Variants in AGBL1 observed in about 807,000 individuals in gnomAD.
AGBL1 encodes cytosolic carboxypeptidase 4.
Under a neutral mutation model 118.9 loss-of-function variants are expected in AGBL1, and 130 were observed. The observed-to-expected ratio is 1.09, with a 90% CI of 0.95 to 1.26. AGBL1 has a LOEUF of 1.26. Among genes scored for constraint, AGBL1 ranks in the 50% most tolerant of loss-of-function variants. The pLI is 0.00. For missense variants in AGBL1, 1,584 were observed against 1,298.1 expected (o/e 1.22, Z -3.38); for synonymous variants, 555 against 478.9 (o/e 1.16, Z -2.08).
chr15:86,757,179 A>G (rs567127871), intron 22 of AGBL1, among the ~76,000 whole-genome samples: 8 of 152,238 alleles, frequency 5.3e-5, no homozygotes, highest in Admixed American at 5.2e-4. Context: ...TTCTGAAGAT[A>G]CATAGAAAAA....
intron 4 of AGBL1, among the ~76,000 whole-genome samples, chr15:86,155,730 CT>C (rs1322606037): frequency 6.6e-6 from 1 of 151,946 alleles, no homozygotes; most frequent in Non-Finnish European, 1.5e-5. Context: ...CTGAGTTTGA[CT>C]GTGGTTCTTT....
At position 86,270,026 on chromosome 15, in the gene AGBL1, A is replaced by G. The variant is rs756772084; in HGVS notation, c.1946A>G (p.Asn649Ser). 6.2e-7 allele frequency: 1 copy of G among 1,613,104 alleles called. No individual in the cohort carries two copies. The highest frequency in any genetic ancestry group is 1.3e-5 in the African/African-American group (1 of 74,914). The change falls in exon 14 of 23, where the codon AAC becomes AGC. Residue 649 changes from asparagine to serine, a missense_variant. Transcript: ENST00000614907. ...GMQAAIPYHF[N>S]IINCEKPNSQ... ...CAGGCGGCCATCCCTTACCACTTCA[A>G]CATCATCAACTGTGAGAAGCCCAAC... is the stretch of plus-strand genomic sequence containing the variant.
intron 18 of AGBL1, among the ~76,000 whole-genome samples, chr15:86,476,894 G>A (rs1280474943): frequency 6.6e-6 from 1 of 152,214 alleles, no homozygotes; most frequent in African/African-American, 2.4e-5. Context: ...TCAGACCACA[G>A]TGCAATCAAA....
chr15:87,000,659 C>T (rs1432190529), intron 24 of AGBL1, among the ~76,000 whole-genome samples: 144 of 116,006 alleles, frequency 1.2e-3, no homozygotes, highest in African/African-American at 4.5e-3. Flanking sequence ...AGTCAGGTAG[C>T]GTGATGCCTC....
chr15:86,207,671 A>G (rs952591932), intron 5 of AGBL1, among the ~76,000 whole-genome samples: 1 of 152,192 alleles, frequency 6.6e-6, no homozygotes, highest in Non-Finnish European at 1.5e-5. Flanking sequence ...TTGTTTCCTG[A>G]GACTTTGCTG....
At chr15:86,658,290 G>A (rs991017701) in intron 21 of AGBL1, among the ~76,000 whole-genome samples, 9 of 152,106 alleles carry the variant, frequency 5.9e-5, no homozygotes, top group Admixed American at 1.3e-4. Context: ...TTATATGAGC[G>A]TATAGGGATT....
At chr15:87,023,307 A>T (rs1050339719) in intron 24 of AGBL1, among the ~76,000 whole-genome samples, 5 of 152,136 alleles carry the variant, frequency 3.3e-5, no homozygotes, top group Non-Finnish European at 5.9e-5. Context: ...GCAAACGGAC[A>T]GCAAAAGTGA....
chr15:86,838,395 G>A (rs1230469456), intron 22 of AGBL1, among the ~76,000 whole-genome samples: 1 of 152,052 alleles, frequency 6.6e-6, no homozygotes, highest in Non-Finnish European at 1.5e-5. Context: ...TTTTTTTAAA[G>A]TGTGGAAAGG....
intron 17 of AGBL1, among the ~76,000 whole-genome samples, chr15:86,302,002 G>A (rs577166501): frequency 1.3e-5 from 2 of 152,156 alleles, no homozygotes; most frequent in African/African-American, 4.8e-5. Flanking sequence ...TCTCACTGTT[G>A]TTGATCTGCC....
intron 15 of AGBL1, among the ~76,000 whole-genome samples, chr15:86,275,187 G>T (rs1229297842): frequency 6.6e-6 from 1 of 152,204 alleles, no homozygotes; most frequent in Non-Finnish European, 1.5e-5. Context: ...GGCAGAGGGA[G>T]GGAAGCTGTG....
Position 86,328,089 on chromosome 15 carries a change from A to C in AGBL1, c.2374+32681A>C, listed in dbSNP as rs1272462041. ...ATTCTGAAAACAAGATGAGTCAACAAATACTTAAAGCAGAGAGCTTAGTTC... is the reference window on the plus strand; with the variant it reads ...ATTCTGAAAACAAGATGAGTCAACACATACTTAAAGCAGAGAGCTTAGTTC... On this transcript the variant is annotated intron_variant, in intron 17 of 22. Transcript: ENST00000614907. Among the ~76,000 whole-genome samples the C allele has an allele frequency of 3.3e-5, 5 of 152,362 alleles. No individual in the cohort carries two copies. The South Asian group carries it at 1.0e-3, about 32-fold the overall frequency.
chr15:86,882,817 T>TA (rs975569409), intron 22 of AGBL1, among the ~76,000 whole-genome samples: 10 of 152,176 alleles, frequency 6.6e-5, no homozygotes, highest in Non-Finnish European at 1.2e-4. Context: ...AGGTCTTTAT[T>TA]AAAAAAACTA....
At chr15:86,352,707 C>G (rs958641703) in intron 17 of AGBL1, among the ~76,000 whole-genome samples, 12 of 152,146 alleles carry the variant, frequency 7.9e-5, no homozygotes, top group African/African-American at 2.9e-4. Context: ...GTCTCGAACT[C>G]TTGACCTCAA....
chr15:86,402,612 C>G (rs1025859952), intron 18 of AGBL1, among the ~76,000 whole-genome samples: 1 of 152,260 alleles, frequency 6.6e-6, no homozygotes, highest in East Asian at 1.9e-4. Context: ...AAAACCTGAA[C>G]TTGGCACTTA....
At chr15:86,766,575 T>C (rs1391225639) in intron 22 of AGBL1, among the ~76,000 whole-genome samples, 1 of 151,970 alleles carries the variant, frequency 6.6e-6, no homozygotes, top group East Asian at 1.9e-4. Flanking sequence ...TATAATTTTT[T>C]TTCTATTATA....
At chr15:86,482,463 A>G (rs538335587) in intron 18 of AGBL1, among the ~76,000 whole-genome samples, 1 of 152,274 alleles carries the variant, frequency 6.6e-6, no homozygotes, top group South Asian at 2.1e-4. Flanking sequence ...CTTTGGATTA[A>G]AAAAATAATG....
chr15:86,283,190 C>T (rs565436896), intron 16 of AGBL1, among the ~76,000 whole-genome samples: 5 of 152,198 alleles, frequency 3.3e-5, no homozygotes, highest in East Asian at 1.9e-4. Flanking sequence ...TAGCAATAAT[C>T]GTTACAGTAT....
intron 5 of AGBL1, among the ~76,000 whole-genome samples, chr15:86,195,680 A>C (rs1411984803): frequency 6.6e-6 from 1 of 152,154 alleles, no homozygotes; most frequent in Non-Finnish European, 1.5e-5. Context: ...TTCACCAATA[A>C]ATGTCCATAT....
intron 5 of AGBL1, among the ~76,000 whole-genome samples, chr15:86,188,550 T>C (rs970165744): frequency 6.6e-6 from 1 of 152,198 alleles, no homozygotes; most frequent in Admixed American, 6.5e-5. Flanking sequence ...TAAAAAGATA[T>C]TACCTGCTAA....
Sources: gnomAD v4.1 joint callset for allele counts (sites outside exome capture counted in the v4.1 genomes callset) on GRCh38, gnomAD v4.1.1 for gene constraint, MANE v1.5 for transcripts, NCBI Gene and HGNC (gene_info 2026-07-23, HGNC 2026-07-21) for gene names.